Variants in SLIT2 observed in about 807,000 individuals in gnomAD.
SLIT2 encodes slit homolog 2 protein.
In SLIT2, 41 loss-of-function variants were observed where a neutral mutation model predicts 185.7. The observed-to-expected ratio is 0.22, with a 90% CI of 0.17 to 0.29. The LOEUF is 0.29. SLIT2 is among the 10% of genes least tolerant of loss of function. The probability of loss-of-function intolerance (pLI) is 1.00; values close to 1 mark genes in which losing one functional copy is unlikely to be tolerated. For synonymous variants in SLIT2, 693 were observed against 680.2 expected, an observed-to-expected ratio of 1.02 and a Z score of -0.29; for missense variants, 1,571 against 1,909.0, an observed-to-expected ratio of 0.82 and a Z score of 3.30.
chr4:20,435,690 A>G (rs1021371364), intron 4 of SLIT2, among the ~76,000 whole-genome samples: 1 of 152,214 alleles, frequency 6.6e-6, no homozygotes, highest in African/African-American at 2.4e-5. Context: ...AAATTTTCCT[A>G]GAAAGTTTTT....
intron 8 of SLIT2, among the ~76,000 whole-genome samples, chr4:20,489,318 G>GA (rs1414608025): frequency 2.0e-5 from 3 of 151,400 alleles, no homozygotes; most frequent in South Asian, 2.1e-4. Flanking sequence ...GTTAACAATT[G>GA]AAAAAAAATG....
chr4:20,529,113 C>T lies in SLIT2; in HGVS notation c.1613+14C>T. The T allele has an allele frequency of 1.3e-6, 2 of 1,563,774 alleles. No homozygotes were observed. The highest frequency in any genetic ancestry group is 1.7e-6 in the Non-Finnish European group (2 of 1,147,454). ...CACTGCAGAGTTGTAAGTTCATCCC[C>T]CAACAAAATTCTGGTTGGGATGGAG... On this transcript the variant is annotated intron_variant, in intron 16 of 36. Transcript: ENST00000504154.
chr4:20,373,509 T>C (rs1408935682), intron 4 of SLIT2, among the ~76,000 whole-genome samples: 1 of 151,766 alleles, frequency 6.6e-6, no homozygotes, highest in African/African-American at 2.4e-5. Context: ...AAATTTTATC[T>C]ATCCTGTAAT....
chr4:20,292,240 T>C (rs910079757), intron 4 of SLIT2, among the ~76,000 whole-genome samples: 5 of 152,172 alleles, frequency 3.3e-5, no homozygotes, highest in African/African-American at 4.8e-5. Flanking sequence ...TAATGAATTG[T>C]AGGTTTCTAA....
chr4:20,399,652 G>A (rs1276070510), intron 4 of SLIT2, among the ~76,000 whole-genome samples: 1 of 151,742 alleles, frequency 6.6e-6, no homozygotes. Context: ...TAAAATGGTT[G>A]CAGGTGTACC....
intron 26 of SLIT2, among the ~76,000 whole-genome samples, chr4:20,563,189 G>A (rs1049565489): frequency 2.6e-5 from 4 of 151,664 alleles, no homozygotes; most frequent in Admixed American, 6.6e-5. Context: ...CACCCATATA[G>A]CTAATGCTAT....
chr4:20,536,350 G>A (rs530891249), intron 18 of SLIT2, among the ~76,000 whole-genome samples: 81 of 152,136 alleles, frequency 5.3e-4, no homozygotes, highest in Non-Finnish European at 1.1e-3. Flanking sequence ...GAGGTCAGGA[G>A]TTCCAGGACC....
At chr4:20,322,707 T>C (rs1330437665) in intron 4 of SLIT2, among the ~76,000 whole-genome samples, 1 of 152,178 alleles carries the variant, frequency 6.6e-6, no homozygotes, top group African/African-American at 2.4e-5. Context: ...TTATGTCTTA[T>C]GCCCCAAAAT....
chr4:20,536,558 CAAAAAAAAAAAA>C (rs35710842), intron 18 of SLIT2, among the ~76,000 whole-genome samples: 1 of 75,832 alleles, frequency 1.3e-5, no homozygotes, highest in South Asian at 5.2e-4. Flanking sequence ...AACTCTGTCG[CAAAAAAAAAAAA>C]AAAAAAAAAC....
chr4:20,604,019 A>G (rs928449246), intron 33 of SLIT2, among the ~76,000 whole-genome samples: 1 of 152,188 alleles, frequency 6.6e-6, no homozygotes, highest in Non-Finnish European at 1.5e-5. Flanking sequence ...AGTAAATGCA[A>G]TTAGCTCTGC....
intron 18 of SLIT2, among the ~76,000 whole-genome samples, chr4:20,538,406 A>G (rs1722496735): frequency 3.9e-5 from 2 of 51,296 alleles, no homozygotes; most frequent in South Asian, 1.5e-3. Context: ...CGATCCCTTC[A>G]TAAGGAGAGC....
chr4:20,403,865 T>C (rs992010885), intron 4 of SLIT2, among the ~76,000 whole-genome samples: 8 of 150,304 alleles, frequency 5.3e-5, no homozygotes, highest in African/African-American at 2.0e-4. Context: ...AATGAAGACA[T>C]TGAAGACAAG....
chr4:20,383,579 C>A (rs1724700703), intron 4 of SLIT2, among the ~76,000 whole-genome samples: 1 of 152,156 alleles, frequency 6.6e-6, no homozygotes, highest in Non-Finnish European at 1.5e-5. Flanking sequence ...GGTTAGCAAC[C>A]ATGTGAAACA....
rs144934043 is a variant in SLIT2 at position 20,498,264 on chromosome 4, T to C, written c.914+6365T>C. On this transcript the variant is annotated intron_variant, in intron 9 of 36. Transcript: ENST00000504154. The stretch of plus-strand genomic sequence containing the variant: ...GAAGGGGAAAAAGTAGAACATATAA[T>C]GTAAGCTAAACCTAGCTGTAAAAGG... Among the ~76,000 whole-genome samples the C allele has an allele frequency of 2.4e-3, 361 of 152,272 alleles. 2 individuals are homozygous for C. The highest frequency in any genetic ancestry group is 8.3e-3 in the African/African-American group (346 of 41,568).
chr4:20,531,354 G>T (rs1721791698), intron 16 of SLIT2, among the ~76,000 whole-genome samples: 1 of 152,172 alleles, frequency 6.6e-6, no homozygotes, highest in African/African-American at 2.4e-5. Flanking sequence ...CAAAGCAAAA[G>T]AAGCCAGACA....
chr4:20,504,817 C>G (rs1037247300), intron 9 of SLIT2, among the ~76,000 whole-genome samples: 1 of 152,048 alleles, frequency 6.6e-6, no homozygotes, highest in Admixed American at 6.6e-5. Context: ...CATGGTCAAC[C>G]TCAGTCTGAA....
At chr4:20,268,468 G>A (rs189254514) in intron 3 of SLIT2, among the ~76,000 whole-genome samples, 207 of 151,802 alleles carry the variant, frequency 1.4e-3, no homozygotes, top group Middle Eastern at 3.4e-3. Flanking sequence ...CATTCACTGT[G>A]GTATTTCTGC....
At chr4:20,518,220 TAC>T (rs1720421133) in intron 11 of SLIT2, among the ~76,000 whole-genome samples, 1 of 133,560 alleles carries the variant, frequency 7.5e-6, no homozygotes, top group African/African-American at 2.7e-5. Context: ...TATATATATA[TAC>T]ATATATATGT....
intron 4 of SLIT2, among the ~76,000 whole-genome samples, chr4:20,342,490 A>G (rs1423903963): frequency 6.6e-6 from 1 of 152,082 alleles, no homozygotes; most frequent in Admixed American, 6.6e-5. Context: ...ATTTGAGAAG[A>G]GGTGGAATTT....
Sources: allele counts gnomAD v4.1 joint callset (sites outside exome capture counted in the v4.1 genomes callset), GRCh38; gene constraint gnomAD v4.1.1; transcripts MANE v1.5; gene names NCBI Gene and HGNC (gene_info 2026-07-23, HGNC 2026-07-21).